The following SNX29 variants were observed in gnomAD, a reference collection of about 807,000 sequenced individuals.
SNX29 encodes the protein sorting nexin-29.
SNX29 carries 78 observed loss-of-function variants against 102.1 expected under a neutral mutation model. The observed-to-expected ratio is 0.76, with a 90% confidence interval of 0.64 to 0.92. The LOEUF (loss-of-function observed/expected upper bound fraction) is 0.92, where lower values mean the gene tolerates loss of function less well. Ranked by LOEUF, SNX29 falls within the 40% of genes least tolerant of loss-of-function variation. The pLI is 0.00. For synonymous variants in SNX29, 580 were observed against 414.5 expected (o/e 1.40, Z -4.85); for missense variants, 1,280 against 1,061.7 (o/e 1.21, Z -2.86).
At chr16:12,564,574 C>T (rs769076643) in intron 20 of SNX29, among the ~76,000 whole-genome samples, 2 of 152,182 alleles carry the variant, frequency 1.3e-5, no homozygotes, top group Non-Finnish European at 2.9e-5. Context: ...GGATTGCCAT[C>T]CAGACGCCCC....
chr16:12,350,812 C>T (rs774478817), intron 15 of SNX29, among the ~76,000 whole-genome samples: 1 of 152,162 alleles, frequency 6.6e-6, no homozygotes, highest in East Asian at 1.9e-4. Context: ...TGAGGTCCTT[C>T]CCCTCAGTCT....
intron 20 of SNX29, among the ~76,000 whole-genome samples, chr16:12,540,664 C>G (rs558408685): frequency 1.3e-5 from 2 of 152,318 alleles, no homozygotes; most frequent in African/African-American, 2.4e-5. Context: ...CTGAATGTAA[C>G]CACAGCTGCT....
intron 3 of SNX29, among the ~76,000 whole-genome samples, chr16:12,022,581 C>T (rs2057061047): frequency 6.6e-6 from 1 of 152,160 alleles, no homozygotes; most frequent in Non-Finnish European, 1.5e-5. Context: ...CCATTATCCC[C>T]CCAAATTCCC....
intron 16 of SNX29, among the ~76,000 whole-genome samples, chr16:12,397,751 T>G (rs1004841160): frequency 2.0e-5 from 3 of 152,186 alleles, no homozygotes; most frequent in Non-Finnish European, 4.4e-5. Context: ...GTGACAGCTG[T>G]GAGAATCAGT....
intron 20 of SNX29, among the ~76,000 whole-genome samples, chr16:12,564,514 G>C (rs1207187666): frequency 2.0e-5 from 3 of 152,196 alleles, no homozygotes; most frequent in Non-Finnish European, 2.9e-5. Context: ...AGGAACTCAA[G>C]TTTTCTGACT....
intron 14 of SNX29, among the ~76,000 whole-genome samples, chr16:12,203,181 G>A (rs1330272378): frequency 1.3e-5 from 2 of 152,100 alleles, no homozygotes; most frequent in Non-Finnish European, 2.9e-5. Context: ...GTGGACTGGT[G>A]GCGTTGGAGG....
chr16:12,104,575 CAAAAA>C (rs150676036), intron 11 of SNX29, among the ~76,000 whole-genome samples: 1 of 141,958 alleles, frequency 7.0e-6, no homozygotes, highest in Admixed American at 7.1e-5. Context: ...AACAAATAAA[CAAAAA>C]AAAAAAACCC....
intron 13 of SNX29, among the ~76,000 whole-genome samples, chr16:12,165,507 C>T (rs1318219003): frequency 3.3e-5 from 5 of 152,156 alleles, no homozygotes; most frequent in South Asian, 2.1e-4. Flanking sequence ...TTTTGTAAGC[C>T]TCCTTTTACA....
chr16:12,409,850 C>T (rs2084322525), intron 18 of SNX29, among the ~76,000 whole-genome samples: 1 of 152,154 alleles, frequency 6.6e-6, no homozygotes, highest in Non-Finnish European at 1.5e-5. Context: ...AATCAGTCTT[C>T]CATGTGGGAT....
intron 1 of SNX29, among the ~76,000 whole-genome samples, chr16:11,998,661 G>A (rs1480236709): frequency 6.6e-6 from 1 of 152,158 alleles, no homozygotes; most frequent in East Asian, 1.9e-4. Context: ...AGGGAGTGAT[G>A]CTCTGCATAG....
intron 5 of SNX29, among the ~76,000 whole-genome samples, chr16:12,046,124 T>C (rs2050080104): frequency 6.6e-6 from 1 of 152,200 alleles, no homozygotes; most frequent in Non-Finnish European, 1.5e-5. Context: ...GCTTTATAAA[T>C]ACATTGACAT....
At chr16:12,416,537 G>C (rs1034132487) in intron 18 of SNX29, among the ~76,000 whole-genome samples, 1 of 152,152 alleles carries the variant, frequency 6.6e-6, no homozygotes, top group Non-Finnish European at 1.5e-5. Flanking sequence ...CCCTGAGTTC[G>C]TTTGTTTTGT....
chr16:12,561,881 G>GA (rs1336798073), intron 20 of SNX29, among the ~76,000 whole-genome samples: 1 of 152,172 alleles, frequency 6.6e-6, no homozygotes, highest in Non-Finnish European at 1.5e-5. Context: ...CTGTCTCCTA[G>GA]GTGACCGTGG....
At chr16:12,061,874 G>T (rs551060699) in intron 9 of SNX29, among the ~76,000 whole-genome samples, 1 of 152,264 alleles carries the variant, frequency 6.6e-6, no homozygotes, top group Admixed American at 6.5e-5. Flanking sequence ...TGAGTGTTGG[G>T]CTGAACCAGC....
At chr16:12,084,129 C>G (rs192782922) in intron 11 of SNX29, among the ~76,000 whole-genome samples, 61 of 151,452 alleles carry the variant, frequency 4.0e-4, no homozygotes, top group African/African-American at 1.4e-3. Flanking sequence ...AATACAAAAG[C>G]CTGTTATGAA....
At position 12,365,330 on chromosome 16, in the gene SNX29, G is replaced by GTC. The variant is rs2082431037; in HGVS notation, c.1899+9052_1899+9053insCT. On this transcript the variant is annotated intron_variant, in intron 16 of 20. Transcript: ENST00000566228. ...TCTCACTTCATACATCAGGATTTGTGTGTGTGTGTGTGTGTGTGTGTGTGT... is the reference window on the plus strand; with the variant it reads ...TCTCACTTCATACATCAGGATTTGTGTCTGTGTGTGTGTGTGTGTGTGTGTGT... Among the ~76,000 whole-genome samples, 10 of 143,672 alleles carry GTC rather than the reference G, an allele frequency of 7.0e-5. No homozygotes were observed. The South Asian group carries it at 2.3e-3, about 33-fold the overall frequency. 94.3% of individuals were successfully genotyped at this position (143,672 alleles called of 152,430 possible).
In SNX29 at chr16:12,399,097, C is replaced by G. The variant is rs541655867; in HGVS notation, c.1955+596C>G. Among the ~76,000 whole-genome samples, 3 of 152,328 alleles carry G rather than the reference C, an allele frequency of 2.0e-5. No homozygotes were observed. The South Asian group carries it at 6.2e-4, about 32-fold the overall frequency. On this transcript the variant is annotated intron_variant, in intron 17 of 20. Transcript: ENST00000566228. ...TGAGATAGAATCTCTGTCGCCCAGGCTGGAGTGCAGTGGCACGATCTCGGC... is the reference window on the plus strand; with the variant it reads ...TGAGATAGAATCTCTGTCGCCCAGGGTGGAGTGCAGTGGCACGATCTCGGC...
intron 20 of SNX29, among the ~76,000 whole-genome samples, chr16:12,541,704 G>C (rs1406348099): frequency 2.6e-5 from 4 of 152,072 alleles, no homozygotes; most frequent in African/African-American, 9.7e-5. Context: ...GGCGGGAGTG[G>C]GTTCCTGATT....
At chr16:12,306,030 G>T (rs1328700883) in intron 15 of SNX29, among the ~76,000 whole-genome samples, 1 of 151,776 alleles carries the variant, frequency 6.6e-6, no homozygotes, top group African/African-American at 2.4e-5. Flanking sequence ...TTAACAACCT[G>T]ACTCACCATC....
Sources: allele counts gnomAD v4.1 joint callset (sites outside exome capture counted in the v4.1 genomes callset), GRCh38; gene constraint gnomAD v4.1.1; transcripts MANE v1.5; gene names NCBI Gene and HGNC (gene_info 2026-07-23, HGNC 2026-07-21).